The following ANO4 variants were observed in gnomAD, a reference collection of about 807,000 sequenced individuals.
ANO4 encodes anoctamin 4, also known as anoctamin-4.
ANO4 carries 69 observed loss-of-function variants against 141.9 expected under a neutral mutation model. The ratio of observed to expected loss-of-function variants is 0.49; its 90% CI spans 0.40 to 0.59. The LOEUF (loss-of-function observed/expected upper bound fraction) is 0.59. ANO4 is among the 20% of genes least tolerant of loss of function. The pLI, the probability that ANO4 is intolerant of heterozygous loss-of-function variation, is 0.00. For missense variants in ANO4, 894 were observed against 1,162.2 expected, an observed-to-expected ratio of 0.77 and a Z score of 3.36; for synonymous variants, 350 against 394.3, an observed-to-expected ratio of 0.89 and a Z score of 1.33.
At chr12:100,862,361 G>A (rs935078635) in intron 1 of ANO4, among the ~76,000 whole-genome samples, 1 of 152,048 alleles carries the variant, frequency 6.6e-6, no homozygotes, top group African/African-American at 2.4e-5. Flanking sequence ...TTGCTTTGTT[G>A]CCCAGGCTGG....
chr12:100,784,593 G>A lies in ANO4; in HGVS notation c.358+44488G>A, dbSNP rs1393195869. On this transcript the variant is annotated intron_variant, in intron 3 of 29. Transcript: ENST00000644049. ...ACTCTTGCGTAGAACCCCACATGCA[G>A]TTTTTCTCCTCTGCTAACATAGTTC... Among the ~76,000 whole-genome samples, 4 of 152,142 alleles carry A rather than the reference G, an allele frequency of 2.6e-5. No individual in the cohort carries two copies. The East Asian group carries it at 7.7e-4, about 29-fold the overall frequency.
chr12:100,772,631 G>A lies in ANO4; in HGVS notation c.358+32526G>A, dbSNP rs528265348. Among the ~76,000 whole-genome samples the A allele has an allele frequency of 5.3e-5, 8 of 152,322 alleles. No homozygotes were observed. In the South Asian group the frequency reaches 1.0e-3, roughly 20 times the overall value. Reference sequence around the variant, plus strand: ...TTGCAAAATTTTCCCTTTGGAGCCTGACGCAGCTGCAGATCCCAAGGCAGC... The same window carrying A: ...TTGCAAAATTTTCCCTTTGGAGCCTAACGCAGCTGCAGATCCCAAGGCAGC... On this transcript the variant is annotated intron_variant, in intron 3 of 29. Coordinates refer to the ANO4 transcript ENST00000644049.
At chr12:100,927,976 G>A (rs967687923) in intron 3 of ANO4, among the ~76,000 whole-genome samples, 2 of 152,148 alleles carry the variant, frequency 1.3e-5, no homozygotes, top group Non-Finnish European at 2.9e-5. Flanking sequence ...GCTTGCACGT[G>A]TGTCTACATA....
chr12:100,800,791 T>C (rs553955567), intron 1 of ANO4, among the ~76,000 whole-genome samples: 104 of 152,322 alleles, frequency 6.8e-4, no homozygotes, highest in African/African-American at 2.3e-3. Flanking sequence ...CCCATAACAG[T>C]GTACAGCCCT....
upstream of ANO4, among the ~76,000 whole-genome samples, chr12:100,794,213 A>G (rs1411746990): frequency 6.6e-6 from 1 of 152,180 alleles, no homozygotes; most frequent in Non-Finnish European, 1.5e-5. Context: ...CACTTTGGGC[A>G]TAAAGAAGCT....
intron 5 of ANO4, among the ~76,000 whole-genome samples, chr12:100,950,420 C>A (rs548014059): frequency 8.5e-5 from 13 of 152,154 alleles, no homozygotes; most frequent in Admixed American, 5.2e-4. Context: ...AGAGCCCTGG[C>A]GATTCCTTGA....
intron 3 of ANO4, among the ~76,000 whole-genome samples, chr12:100,777,415 A>G (rs1424467864): frequency 6.6e-6 from 1 of 150,504 alleles, no homozygotes; most frequent in Non-Finnish European, 1.5e-5. Flanking sequence ...CACCATGCCC[A>G]GCCCACGTAT....
intron 13 of ANO4, 61 bp from the exon 14 acceptor site, chr12:101,048,280 A>G: frequency 6.4e-7 from 1 of 1,556,708 alleles, no homozygotes; most frequent in Non-Finnish European, 8.8e-7. Flanking sequence ...AACTTGAAAA[A>G]ATTTGAATTG....
chr12:100,984,955 G>A (rs2044644465), intron 7 of ANO4, among the ~76,000 whole-genome samples: 1 of 151,848 alleles, frequency 6.6e-6, no homozygotes, highest in South Asian at 2.1e-4. Context: ...TCCATGCTGA[G>A]CACTGTACCC....
intron 14 of ANO4, among the ~76,000 whole-genome samples, chr12:101,054,234 G>A (rs2048001434): frequency 6.6e-6 from 1 of 152,132 alleles, no homozygotes; most frequent in African/African-American, 2.4e-5. Flanking sequence ...TACAAAGCTT[G>A]TATTTAAATT....
chr12:101,042,385 C>T lies in ANO4; in HGVS notation c.1071C>T (p.Tyr357=). ...IGLYFAWLGW[Y]TGMLFPAAFI... is the part of the protein sequence containing the mutation. ...TATATTTTGCCTGGTTGGGCTGGTA[C>T]ACCGGCATGCTCTTCCCAGCTGCCT... is the stretch of plus-strand genomic sequence containing the variant. The change falls in exon 12 of 28, where the codon TAC becomes TAT. Residue 357 remains tyrosine, a synonymous_variant. Coordinates refer to ENST00000392977, the MANE Select transcript of ANO4 (RefSeq NM_001286615.2). 6.2e-7 allele frequency: 1 copy of T among 1,614,144 alleles called. No homozygotes were observed. The highest frequency in any genetic ancestry group is 8.5e-7 in the Non-Finnish European group (1 of 1,180,002).
At chr12:100,922,187 A>AATC in intron 2 of ANO4, 39 bp from the exon 3 acceptor site, 2 of 1,434,962 alleles carry the variant, frequency 1.4e-6, no homozygotes, top group Non-Finnish European at 1.9e-6. Flanking sequence ...ACTCTCTGAT[A>AATC]ACCAGTGCAA....
intron 3 of ANO4, among the ~76,000 whole-genome samples, chr12:100,767,268 T>A (rs1270710963): frequency 6.6e-6 from 1 of 152,230 alleles, no homozygotes; most frequent in East Asian, 1.9e-4. Context: ...GTTTTGTAGT[T>A]TCTTTGTTCC....
intron 2 of ANO4, among the ~76,000 whole-genome samples, chr12:100,906,191 G>T (rs2040836582): frequency 6.6e-6 from 1 of 152,148 alleles, no homozygotes; most frequent in South Asian, 2.1e-4. Flanking sequence ...GTGTGGTTTT[G>T]CAAAGGAAGT....
chr12:100,896,456 A>C (rs946987742), intron 1 of ANO4, among the ~76,000 whole-genome samples: 2 of 152,182 alleles, frequency 1.3e-5, no homozygotes, highest in Non-Finnish European at 2.9e-5. Flanking sequence ...GCTTCTGTCT[A>C]CCTTTCTGGA....
intron 22 of ANO4, among the ~76,000 whole-genome samples, chr12:101,104,656 TATATATATATATATAAATAA>T (rs1566254932): frequency 5.0e-4 from 32 of 64,144 alleles, no homozygotes; most frequent in East Asian, 1.9e-3. Flanking sequence ...TATATATATA[TATATATATATATATAAATAA>T]AAAGATTTAC....
chr12:101,093,965 G>A (rs1283654787), intron 17 of ANO4, among the ~76,000 whole-genome samples: 1 of 152,110 alleles, frequency 6.6e-6, no homozygotes, highest in Non-Finnish European at 1.5e-5. Flanking sequence ...GTAATGAATA[G>A]CAGCTAGCCT....
chr12:101,082,515 A>G (rs529438400), intron 15 of ANO4, among the ~76,000 whole-genome samples: 24 of 152,346 alleles, frequency 1.6e-4, no homozygotes, highest in African/African-American at 5.3e-4. Context: ...AAAGTTTCCC[A>G]AAGAAGCAGA....
At chr12:101,110,799 T>A (rs2050633243) in intron 23 of ANO4, among the ~76,000 whole-genome samples, 1 of 152,226 alleles carries the variant, frequency 6.6e-6, no homozygotes, top group South Asian at 2.1e-4. Flanking sequence ...ATTTGATTAT[T>A]TCTATCTTAA....
Sources: gnomAD v4.1 joint callset for allele counts (sites outside exome capture counted in the v4.1 genomes callset) on GRCh38, gnomAD v4.1.1 for gene constraint, MANE v1.5 for transcripts, NCBI Gene and HGNC (gene_info 2026-07-23, HGNC 2026-07-21) for gene names.